The following CD2AP variants were observed in gnomAD, a reference collection of about 807,000 sequenced individuals.
CD2AP encodes CD2 associated protein, also known as CD2-associated protein.
CD2AP carries 46 observed loss-of-function variants against 85.1 expected under a neutral mutation model. The observed-to-expected ratio is 0.54, with a 90% CI of 0.43 to 0.69. CD2AP has a LOEUF of 0.69. CD2AP is among the 30% of genes least tolerant of loss of function. The pLI is 0.00. For missense variants in CD2AP, 769 were observed against 729.5 expected, an observed-to-expected ratio of 1.05 and a Z score of -0.62; for synonymous variants, 255 against 252.9, an observed-to-expected ratio of 1.01 and a Z score of -0.08.
intron 4 of CD2AP, among the ~76,000 whole-genome samples, chr6:47,554,191 C>A (rs1165493315): frequency 5.9e-5 from 9 of 152,032 alleles, no homozygotes. Context: ...GATTACAGAC[C>A]TGAGCCACCG....
At chr6:47,580,797 T>TA (rs1768457095) in intron 9 of CD2AP, 67 bp from the exon 10 acceptor site, 1 of 1,014,968 alleles carries the variant, frequency 9.9e-7, no homozygotes, top group Admixed American at 1.7e-5. Flanking sequence ...TATTACTAAT[T>TA]AGAGTTTATT....
At chr6:47,556,615 C>T (rs1382954966) in intron 5 of CD2AP, among the ~76,000 whole-genome samples, 1 of 152,086 alleles carries the variant, frequency 6.6e-6, no homozygotes, top group African/African-American at 2.4e-5. Flanking sequence ...TCCCAAAGTG[C>T]TGAGATTACA....
Position 47,577,668 on chromosome 6 carries a change from G to C in CD2AP, c.903+565G>C, listed in dbSNP as rs115876136. Among the ~76,000 whole-genome samples, 1,202 of 152,240 alleles carry C rather than the reference G, an allele frequency of 7.9e-3. 14 individuals carry two copies. Among genetic ancestry groups the C allele is most frequent in the African/African-American group, 0.027 (1,121 of 41,536 alleles). On this transcript the variant is annotated intron_variant, in intron 8 of 17. Coordinates refer to ENST00000359314, the MANE Select transcript of CD2AP (RefSeq NM_012120.3). ...TGTGGGCAGAATCCTATAATAACTA[G>C]TATTATGGGAAAATTACAAATATTT...
At chr6:47,576,927 T>G (rs1768329720) in intron 7 of CD2AP, 82 bp from the exon 8 acceptor site, 1 of 830,902 alleles carries the variant, frequency 1.2e-6, no homozygotes, top group South Asian at 1.4e-5. Context: ...TTTAGTATAC[T>G]TTACACAAGA....
rs1324064011 is a variant in CD2AP at position 47,539,839 on chromosome 6, TA to T, written c.320-4765del. Among the ~76,000 whole-genome samples the T allele has an allele frequency of 2.6e-5, 4 of 152,108 alleles. No homozygotes were observed. The East Asian group carries it at 7.7e-4, about 29-fold the overall frequency. On this transcript the variant is annotated intron_variant, in intron 3 of 17. Transcript: ENST00000359314. ...TTTTAGAAGACAATTTTTGTACAATTAATTTTTTTGTAGAACTGGAAAGTAT... is the reference window on the plus strand; with the variant it reads ...TTTTAGAAGACAATTTTTGTACAATTATTTTTTTGTAGAACTGGAAAGTAT...
chr6:47,554,552 G>T (rs2114062302), intron 4 of CD2AP, 94 bp from the exon 5 acceptor site: 1 of 1,244,610 alleles, frequency 8.0e-7, no homozygotes. Context: ...TGCTAATTTT[G>T]TGCCTGTTTG....
intron 3 of CD2AP, among the ~76,000 whole-genome samples, chr6:47,536,784 A>AAGTC (rs1434018930): frequency 6.6e-6 from 1 of 152,216 alleles, no homozygotes; most frequent in African/African-American, 2.4e-5. Flanking sequence ...AACAGGTTGC[A>AAGTC]AGTCACATTA....
chr6:47,543,551 G>T (rs934943751), intron 3 of CD2AP, among the ~76,000 whole-genome samples: 21 of 152,168 alleles, frequency 1.4e-4, no homozygotes, highest in African/African-American at 4.8e-4. Flanking sequence ...TTGGTTTCTG[G>T]TGATGCCCCT....
intron 5 of CD2AP, among the ~76,000 whole-genome samples, chr6:47,565,475 C>T (rs1767968460): frequency 6.6e-6 from 1 of 151,904 alleles, no homozygotes; most frequent in Non-Finnish European, 1.5e-5. Flanking sequence ...TTGTCTTTTC[C>T]ACCCTTTTCT....
chr6:47,503,196 T>A, intron 1 of CD2AP, 84 bp from the exon 2 acceptor site: 6 of 1,255,650 alleles, frequency 4.8e-6, no homozygotes, highest in Non-Finnish European at 6.9e-6. Context: ...GCTAAACAGA[T>A]TCCTTAGTTT....
intron 2 of CD2AP, among the ~76,000 whole-genome samples, chr6:47,507,125 C>T (rs1287229506): frequency 6.6e-6 from 1 of 152,192 alleles, no homozygotes; most frequent in Non-Finnish European, 1.5e-5. Flanking sequence ...TTCTTTGCTC[C>T]TCCATAGGAA....
rs918317833 is a variant in CD2AP at position 47,544,551 on chromosome 6, T to G, written c.320-55T>G. The G allele has an allele frequency of 2.6e-6, 3 of 1,138,864 alleles. No homozygotes were observed. In the East Asian group the frequency reaches 7.1e-5, roughly 27 times the overall value. 70.5% of individuals were successfully genotyped at this position (1,138,864 alleles called of 1,614,324 possible). The stretch of plus-strand genomic sequence containing the variant: ...GACTAAACATGGCATGTAAATATAC[T>G]GTTTTTAAAAATGATCATTCTTAAT... On this transcript the variant is annotated intron_variant, in intron 3 of 17. Transcript: ENST00000359314.
Position 47,596,159 on chromosome 6 carries a change from T to C in CD2AP, c.1274+133T>C, listed in dbSNP as rs577095249. ...TATATTTATTTTTAAAATTGACATA[T>C]ACAATTGTGTGTATTTATTGTATAC... On this transcript the variant is annotated intron_variant, in intron 12 of 17. Coordinates refer to ENST00000359314, the MANE Select transcript of CD2AP (RefSeq NM_012120.3). The C allele has an allele frequency of 1.0e-5, 7 of 696,526 alleles. No homozygotes were observed. The East Asian group carries it at 1.1e-4, about 11-fold the overall frequency. 43.1% of individuals were successfully genotyped at this position (696,526 alleles called of 1,614,324 possible). A position where few individuals can be genotyped will look rare whatever the true frequency, so the allele number is the denominator to read the frequency against.
At chr6:47,502,714 C>T (rs1766028103) in intron 1 of CD2AP, among the ~76,000 whole-genome samples, 1 of 152,012 alleles carries the variant, frequency 6.6e-6, no homozygotes, top group South Asian at 2.1e-4. Context: ...GGGTGGTCTC[C>T]ATCTCTTGAC....
At chr6:47,497,803 T>C (rs1028616151) in intron 1 of CD2AP, among the ~76,000 whole-genome samples, 5 of 152,244 alleles carry the variant, frequency 3.3e-5, no homozygotes, top group Non-Finnish European at 7.3e-5. Flanking sequence ...GACTTTCTTG[T>C]CTCTGAGTTC....
At chr6:47,489,975 T>TG (rs1291716398) in intron 1 of CD2AP, among the ~76,000 whole-genome samples, 24 of 74,504 alleles carry the variant, frequency 3.2e-4, no homozygotes, top group Admixed American at 7.3e-4. Flanking sequence ...GACTTTTTTT[T>TG]TTTTTTTTTT....
chr6:47,548,941 A>T (rs182153004), intron 4 of CD2AP, among the ~76,000 whole-genome samples: 2 of 152,222 alleles, frequency 1.3e-5, no homozygotes, highest in Non-Finnish European at 2.9e-5. Flanking sequence ...AAACAGAATT[A>T]AAAACAAAAA....
At chr6:47,538,174 C>T (rs1045002233) in intron 3 of CD2AP, among the ~76,000 whole-genome samples, 6 of 151,770 alleles carry the variant, frequency 4.0e-5, no homozygotes, top group African/African-American at 1.2e-4. Context: ...GTAAAATGGC[C>T]GAATCAGTGT....
chr6:47,495,956 A>C (rs2113972519), intron 1 of CD2AP, among the ~76,000 whole-genome samples: 1 of 152,276 alleles, frequency 6.6e-6, no homozygotes, highest in Non-Finnish European at 1.5e-5. Flanking sequence ...CAACTTTGTT[A>C]CTGGTTCTGT....
Sources: allele counts gnomAD v4.1 joint callset (sites outside exome capture counted in the v4.1 genomes callset), GRCh38; gene constraint gnomAD v4.1.1; transcripts MANE v1.5; gene names NCBI Gene and HGNC (gene_info 2026-07-23, HGNC 2026-07-21).